Variants in CALN1 observed in about 807,000 individuals in gnomAD.
The protein encoded by CALN1 is calcium-binding protein 8.
CALN1 carries 17 observed loss-of-function variants against 30.6 expected under a neutral mutation model. The observed-to-expected ratio is 0.56, with a 90% CI of 0.38 to 0.83. The LOEUF is 0.83. CALN1 is among the 40% of genes least tolerant of loss of function. The pLI is 0.00. For missense variants in CALN1, 291 were observed against 354.9 expected (o/e 0.82, Z 1.45); for synonymous variants, 156 against 131.4 (o/e 1.19, Z -1.28).
chr7:72,383,939 C>T (rs1466006475), intron 2 of CALN1, among the ~76,000 whole-genome samples: 1 of 152,100 alleles, frequency 6.6e-6, no homozygotes, highest in East Asian at 1.9e-4. Flanking sequence ...CCCAGCAATC[C>T]CATTACTGGG....
At chr7:72,341,238 T>G (rs1802367289) in intron 2 of CALN1, among the ~76,000 whole-genome samples, 1 of 152,176 alleles carries the variant, frequency 6.6e-6, no homozygotes, top group Non-Finnish European at 1.5e-5. Context: ...AGTGCCTTGG[T>G]AGGGCCAAGC....
At chr7:71,931,668 C>T (rs1332009994) in intron 5 of CALN1, among the ~76,000 whole-genome samples, 1 of 152,200 alleles carries the variant, frequency 6.6e-6, no homozygotes, top group African/African-American at 2.4e-5. Flanking sequence ...TAGTTCTAAC[C>T]CTTTCTTTCA....
At chr7:72,395,439 T>C (rs1178896547) in intron 2 of CALN1, among the ~76,000 whole-genome samples, 1 of 152,148 alleles carries the variant, frequency 6.6e-6, no homozygotes, top group Admixed American at 6.5e-5. Context: ...GATAAACCAT[T>C]TTCTTGGCTG....
chr7:72,377,486 A>G (rs991704168), intron 2 of CALN1, among the ~76,000 whole-genome samples: 3 of 135,038 alleles, frequency 2.2e-5, no homozygotes, highest in Non-Finnish European at 3.2e-5. Flanking sequence ...TGCATGTATT[A>G]TAATTTTTTA....
At chr7:71,989,300 T>C (rs1798828519) in intron 5 of CALN1, among the ~76,000 whole-genome samples, 1 of 152,080 alleles carries the variant, frequency 6.6e-6, no homozygotes, top group Admixed American at 6.5e-5. Context: ...TAGCTGGGCG[T>C]GATGGCATGT....
At chr7:71,951,735 C>T (rs554307774) in intron 5 of CALN1, among the ~76,000 whole-genome samples, 42 of 152,340 alleles carry the variant, frequency 2.8e-4, no homozygotes, top group African/African-American at 9.6e-4. Flanking sequence ...GCAGATGTCA[C>T]ATACCCTACT....
intron 5 of CALN1, among the ~76,000 whole-genome samples, chr7:71,860,693 AC>A (rs1352837572): frequency 3.3e-5 from 5 of 152,158 alleles, no homozygotes; most frequent in African/African-American, 7.2e-5. Flanking sequence ...GCAAAGAAAC[AC>A]CAGGTCAATG....
At position 71,847,349 on chromosome 7, in the gene CALN1, G is replaced by A. The variant is rs549076394; in HGVS notation, c.502-36857C>T. On this transcript the variant is annotated intron_variant, in intron 5 of 6. Coordinates refer to ENST00000395275, the MANE Select transcript of CALN1 (RefSeq NM_031468.4). ...TGAATAAGTCTCATGAGACCTGATG[G>A]TTATATAAAGGGTTTCCTGGCTGGG... Among the ~76,000 whole-genome samples the A allele has an allele frequency of 4.6e-5, 7 of 152,028 alleles. No homozygotes were observed. In the South Asian group the frequency reaches 1.2e-3, roughly 27 times the overall value.
At chr7:72,382,175 G>A (rs929551050) in intron 2 of CALN1, among the ~76,000 whole-genome samples, 3 of 152,224 alleles carry the variant, frequency 2.0e-5, no homozygotes, top group Non-Finnish European at 4.4e-5. Flanking sequence ...GCTGATGGGA[G>A]CACTGTCCGT....
chr7:72,449,558 G>A (rs190296860), upstream of CALN1, among the ~76,000 whole-genome samples: 2 of 152,230 alleles, frequency 1.3e-5, no homozygotes, highest in East Asian at 3.9e-4. Flanking sequence ...CCCACTGGCC[G>A]GAAAATCTTT....
intron 5 of CALN1, among the ~76,000 whole-genome samples, chr7:71,956,847 C>A (rs1372621178): frequency 6.6e-6 from 1 of 152,096 alleles, no homozygotes; most frequent in Non-Finnish European, 1.5e-5. Context: ...CAGGCACCCA[C>A]CATCACGCCT....
intron 1 of CALN1, among the ~76,000 whole-genome samples, chr7:72,418,121 C>A (rs1807480932): frequency 6.6e-6 from 1 of 151,852 alleles, no homozygotes; most frequent in Admixed American, 6.6e-5. Context: ...CCCTCCCCCT[C>A]TTCCCTCTCT....
chr7:72,283,105 A>G (rs1797844822), intron 2 of CALN1, among the ~76,000 whole-genome samples: 2 of 151,750 alleles, frequency 1.3e-5, no homozygotes, highest in African/African-American at 4.8e-5. Context: ...ACAGTGTTAG[A>G]TTTGAATCCT....
chr7:72,450,232 C>G (rs1475243771), upstream of CALN1, among the ~76,000 whole-genome samples: 5 of 152,126 alleles, frequency 3.3e-5, no homozygotes, highest in African/African-American at 1.2e-4. Flanking sequence ...AATCTGCCAT[C>G]ACCCAGTCAG....
At chr7:72,491,809 C>T in the CALN1 span, among the ~76,000 whole-genome samples, 18 of 152,146 alleles carry the variant, frequency 1.2e-4, no homozygotes, top group Admixed American at 1.1e-3. Flanking sequence ...CATTAAGTGA[C>T]CAGAGGCCCT....
At chr7:72,476,477 G>A in the CALN1 span, among the ~76,000 whole-genome samples, 29 of 152,048 alleles carry the variant, frequency 1.9e-4, no homozygotes, top group Non-Finnish European at 4.4e-5. Flanking sequence ...GGGACTTCTG[G>A]GGTGACCTCC....
Position 72,308,121 on chromosome 7 carries a change from T to TG in CALN1, c.120-29312dup, listed in dbSNP as rs1440811291. Among the ~76,000 whole-genome samples, 6 of 152,172 alleles carry TG rather than the reference T, an allele frequency of 3.9e-5. No homozygotes were observed. The East Asian group carries it at 9.7e-4, about 25-fold the overall frequency. On this transcript the variant is annotated intron_variant, in intron 2 of 6. Coordinates refer to ENST00000395275, the MANE Select transcript of CALN1 (RefSeq NM_031468.4). ...GCTCACACCTGTAATCCCAGGACTTTGGGGGGCCGAGGCAGGTGGATTGCT... is the reference window on the plus strand; with the variant it reads ...GCTCACACCTGTAATCCCAGGACTTTGGGGGGGCCGAGGCAGGTGGATTGCT...
intron 4 of CALN1, among the ~76,000 whole-genome samples, chr7:72,033,262 A>T (rs918285348): frequency 2.3e-4 from 35 of 152,198 alleles, no homozygotes; most frequent in African/African-American, 8.2e-4. Context: ...CAAAATTCTC[A>T]TAAGGAGGTA....
rs141879337 is a variant in CALN1, at chr7:71,812,691, A to C, written c.502-2199T>G. On this transcript the variant is annotated intron_variant, in intron 5 of 6. Transcript: ENST00000395275. ...AGCAATTGTTTCTTTTTTTTCTCGT[A>C]ATGATCTTGTTATCTTCCTATCCAC... Among the ~76,000 whole-genome samples the C allele has an allele frequency of 2.1e-3, 314 of 152,104 alleles. 2 individuals are homozygous for C. In the Middle Eastern group the frequency reaches 0.031, roughly 15 times the overall value.
Sources: gnomAD v4.1 joint callset for allele counts (sites outside exome capture counted in the v4.1 genomes callset) on GRCh38, gnomAD v4.1.1 for gene constraint, MANE v1.5 for transcripts, NCBI Gene and HGNC (gene_info 2026-07-23, HGNC 2026-07-21) for gene names.